The following CYFIP2 variants were observed in gnomAD, a reference collection of about 807,000 sequenced individuals.
CYFIP2 encodes the protein cytoplasmic FMR1 interacting protein 2.
Under a neutral mutation model 158.7 loss-of-function variants are expected in CYFIP2, and 29 were observed. The ratio of observed to expected loss-of-function variants is 0.18; its 90% CI spans 0.14 to 0.25. The LOEUF (loss-of-function observed/expected upper bound fraction) is 0.25, where lower values mean the gene tolerates loss of function less well. CYFIP2 is among the 10% of genes least tolerant of loss of function. The pLI is 1.00. For missense variants in CYFIP2, 852 were observed against 1,639.5 expected (o/e 0.52, Z 8.29); for synonymous variants, 585 against 617.6 (o/e 0.95, Z 0.78).
At chr5:157,271,973 C>T (rs28754506) in intron 1 of CYFIP2, among the ~76,000 whole-genome samples, 85 of 152,326 alleles carry the variant, frequency 5.6e-4, no homozygotes, top group African/African-American at 1.9e-3. Flanking sequence ...AGCAAATCAG[C>T]AAGCCACCTT....
At chr5:157,339,338 T>C in intron 22 of CYFIP2, 82 bp downstream of exon 22, 1 of 1,268,896 alleles carries the variant, frequency 7.9e-7, no homozygotes, top group Non-Finnish European at 1.1e-6. Flanking sequence ...GCCCAGTACA[T>C]GTGTGAGTGG....
Position 157,361,764 on chromosome 5 carries a change from C to G in CYFIP2, c.3039+166C>G, listed in dbSNP as rs1450592624. ...ACATGGATTCTAGTCCTGGCTCCCC[C>G]ATTCACGATTAGTGCAGTTGTCTAG... is the stretch of plus-strand genomic sequence containing the variant. On this transcript the variant is annotated intron_variant, in intron 26 of 30. Coordinates refer to ENST00000620254, the MANE Select transcript of CYFIP2 (RefSeq NM_001037333.3). This position sits in a 1 kb window ranked among gnomAD's most constrained non-coding sequence, Gnocchi z 4.4. 2.0e-5 allele frequency among the ~76,000 whole-genome samples: 3 copies of G among 152,188 alleles called. No individual in the cohort carries two copies. The highest frequency in any genetic ancestry group is 7.2e-5 in the African/African-American group (3 of 41,432).
intron 6 of CYFIP2, among the ~76,000 whole-genome samples, chr5:157,302,084 C>T (rs947373179): frequency 6.6e-6 from 1 of 152,164 alleles, no homozygotes; most frequent in Non-Finnish European, 1.5e-5. Context: ...CAAATTTTCC[C>T]CACCTGTAGC....
intron 26 of CYFIP2, among the ~76,000 whole-genome samples, chr5:157,381,210 A>C (rs544790926): frequency 6.6e-6 from 1 of 152,134 alleles, no homozygotes; most frequent in African/African-American, 2.4e-5. Context: ...TTCCCTTTCC[A>C]CTGAGACATA....
At chr5:157,379,045 C>T (rs1765776826) in intron 26 of CYFIP2, among the ~76,000 whole-genome samples, 1 of 152,178 alleles carries the variant, frequency 6.6e-6, no homozygotes, top group Non-Finnish European at 1.5e-5. Flanking sequence ...ATTCCCAGGG[C>T]AGCCTATCCT....
chr5:157,310,132 C>T (rs1200420383), intron 10 of CYFIP2, among the ~76,000 whole-genome samples: 3 of 152,220 alleles, frequency 2.0e-5, no homozygotes, highest in Non-Finnish European at 4.4e-5. Context: ...TGAAGAGTGG[C>T]CAGCCCTCAG....
At chr5:157,272,312 T>C (rs1011206986) in intron 1 of CYFIP2, among the ~76,000 whole-genome samples, 1 of 152,224 alleles carries the variant, frequency 6.6e-6, no homozygotes, top group South Asian at 2.1e-4. Context: ...AGCAGGGGAC[T>C]GAAACAACAA....
At chr5:157,384,991 C>T (rs1312156217) in intron 28 of CYFIP2, 1 of 149,188 alleles carries the variant, frequency 6.7e-6, no homozygotes, top group Non-Finnish European at 1.4e-5. Flanking sequence ...GGTTCTTTGA[C>T]TCACCAGAGA....
chr5:157,316,727 A>G (rs934041481), intron 13 of CYFIP2, among the ~76,000 whole-genome samples: 1 of 152,154 alleles, frequency 6.6e-6, no homozygotes. Flanking sequence ...GAGCTAATCA[A>G]CCTTCCCCTG....
chr5:157,341,710 C>T (rs1038322998), intron 23 of CYFIP2: 3 of 157,038 alleles, frequency 1.9e-5, no homozygotes, highest in South Asian at 1.9e-4. Flanking sequence ...TGGGGCTTCT[C>T]GTCTTGGCTT....
At chr5:157,377,090 T>A in intron 26 of CYFIP2, 1 of 309,226 alleles carries the variant, frequency 3.2e-6, no homozygotes, top group South Asian at 2.6e-5. Context: ...TTGCCGCTAC[T>A]CCTGGCCCTG....
rs539597153 is a variant in CYFIP2 at position 157,305,900 on chromosome 5, A to T, written c.795+1534A>T. On this transcript the variant is annotated intron_variant, in intron 8 of 30. Coordinates refer to ENST00000620254, the MANE Select transcript of CYFIP2 (RefSeq NM_001037333.3). ...AAATTTGCAATCTGCATGACCATGT[A>T]TCCATTTTATCTCATGTGACTAAAT... Among the ~76,000 whole-genome samples the T allele has an allele frequency of 4.6e-5, 7 of 152,320 alleles. No individual in the cohort carries two copies. In the East Asian group the frequency reaches 1.2e-3, roughly 25 times the overall value.
chr5:157,334,119 T>C (rs1294450671), intron 21 of CYFIP2, among the ~76,000 whole-genome samples: 1 of 152,132 alleles, frequency 6.6e-6, no homozygotes. Context: ...TAGAACATAA[T>C]AAAAATTGTA....
At chr5:157,366,105 T>C (rs188545003) in intron 26 of CYFIP2, among the ~76,000 whole-genome samples, 237 of 152,322 alleles carry the variant, frequency 1.6e-3, no homozygotes, top group Non-Finnish European at 2.4e-4. Flanking sequence ...TATCATTTCT[T>C]TGCAGCCTCA....
At chr5:157,376,590 CCT>C in intron 26 of CYFIP2, 1 of 158,538 alleles carries the variant, frequency 6.3e-6, no homozygotes, top group African/African-American at 2.4e-5. Context: ...TCTTTTTATC[CCT>C]GTTTAGGTTG....
At chr5:157,383,227 C>G in intron 27 of CYFIP2, 38 bp from the exon 28 acceptor site, 1 of 1,591,244 alleles carries the variant, frequency 6.3e-7, no homozygotes, top group Non-Finnish European at 8.6e-7. Context: ...CCCTGTGTTC[C>G]CTGAGTCTCA....
chr5:157,361,225 T>TTGTGTGTGTGTGCATGTGTGTGCG lies in CYFIP2; in HGVS notation c.2909-233_2909-210dup, dbSNP rs879491287. ...TGGTGCCTCATTTGTGTGCCTGTGTTTGTGTGTGTGTGCATGTGTGTGCGT... is the reference window on the plus strand; with the variant it reads ...TGGTGCCTCATTTGTGTGCCTGTGTTTGTGTGTGTGTGCATGTGTGTGCGTGTGTGTGTGTGCATGTGTGTGCGT... On this transcript the variant is annotated intron_variant, in intron 25 of 30. Coordinates refer to ENST00000620254, the MANE Select transcript of CYFIP2 (RefSeq NM_001037333.3). This position sits in a 1 kb window ranked among gnomAD's most constrained non-coding sequence, Gnocchi z 4.4. Among the ~76,000 whole-genome samples, 416 of 151,958 alleles carry TTGTGTGTGTGTGCATGTGTGTGCG rather than the reference T, an allele frequency of 2.7e-3. 3 individuals carry two copies. Among genetic ancestry groups the TTGTGTGTGTGTGCATGTGTGTGCG allele is most frequent in the African/African-American group, 9.8e-3 (405 of 41,450 alleles).
chr5:157,333,813 G>C (rs896654022), intron 21 of CYFIP2, among the ~76,000 whole-genome samples: 1 of 152,018 alleles, frequency 6.6e-6, no homozygotes, highest in African/African-American at 2.4e-5. Flanking sequence ...GGCCCAGAAG[G>C]GCTTTGCAGC....
At chr5:157,356,729 A>G (rs1007260510) in intron 23 of CYFIP2, among the ~76,000 whole-genome samples, 3 of 152,196 alleles carry the variant, frequency 2.0e-5, no homozygotes, top group African/African-American at 7.2e-5. Context: ...ACTCGCTTAG[A>G]AGAGTACACG....
Sources: gnomAD v4.1 joint callset for allele counts (sites outside exome capture counted in the v4.1 genomes callset) on GRCh38, gnomAD v4.1.1 for gene constraint, Gnocchi (gnomAD v3.1) non-coding constraint, MANE v1.5 for transcripts, NCBI Gene and HGNC (gene_info 2026-07-23, HGNC 2026-07-21) for gene names.